The following LMLN variants were observed in gnomAD, a reference collection of about 807,000 sequenced individuals.
LMLN encodes the protein leishmanolysin-like peptidase.
LMLN carries 70 observed loss-of-function variants against 92.3 expected under a neutral mutation model. The ratio of observed to expected loss-of-function variants is 0.76; its 90% CI spans 0.63 to 0.92. LMLN has a LOEUF of 0.92. Among genes scored for constraint, LMLN ranks in the 40% least tolerant of loss-of-function variants. LMLN has a pLI of 0.00. For missense variants in LMLN, 691 were observed against 814.6 expected, an observed-to-expected ratio of 0.85 and a Z score of 1.85; for synonymous variants, 308 against 296.2, an observed-to-expected ratio of 1.04 and a Z score of -0.41.
chr3:197,973,886 G>A (rs1002345489), intron 1 of LMLN, among the ~76,000 whole-genome samples: 1 of 152,198 alleles, frequency 6.6e-6, no homozygotes, highest in African/African-American at 2.4e-5. Context: ...TTCCTAAAGT[G>A]TTGATACTGC....
At chr3:197,985,359 GCAGA>G in intron 7 of LMLN, among the ~76,000 whole-genome samples, 1 of 145,670 alleles carries the variant, frequency 6.9e-6, no homozygotes, top group Middle Eastern at 3.5e-3. Flanking sequence ...ACTTTAAAAC[GCAGA>G]CAGACTTTCA....
chr3:198,027,230 G>A (rs1028593371), intron 14 of LMLN, among the ~76,000 whole-genome samples: 18 of 151,730 alleles, frequency 1.2e-4, no homozygotes, highest in Admixed American at 3.9e-4. Context: ...CCAACTCTGC[G>A]TGACCTCCCG....
At chr3:198,002,272 TAC>T (rs1257832899) in intron 11 of LMLN, among the ~76,000 whole-genome samples, 1 of 151,986 alleles carries the variant, frequency 6.6e-6, no homozygotes, top group Non-Finnish European at 1.5e-5. Context: ...AGACTATAAG[TAC>T]ACACCACTGC....
At chr3:197,976,061 A>G (rs1190748034) in exon 4 of LMLN, 1 of 1,606,186 alleles carries the variant, frequency 6.2e-7, no homozygotes, top group Non-Finnish European at 8.5e-7. Context: ...TTTCTTATTT[A>G]GAGAAGACTT....
intron 1 of LMLN, among the ~76,000 whole-genome samples, chr3:197,966,809 A>G (rs1721073331): frequency 6.6e-6 from 1 of 152,024 alleles, no homozygotes; most frequent in African/African-American, 2.4e-5. Context: ...TTATTTTTTT[A>G]GAGACAGGGT....
intron 14 of LMLN, among the ~76,000 whole-genome samples, chr3:198,028,282 C>T (rs539724414): frequency 1.3e-5 from 2 of 152,226 alleles, no homozygotes; most frequent in African/African-American, 4.8e-5. Context: ...CATCATCATC[C>T]GAAGTCCATG....
chr3:198,005,638 CTTTTTT>C (rs745643545), intron 11 of LMLN, among the ~76,000 whole-genome samples: 1 of 140,590 alleles, frequency 7.1e-6, no homozygotes, highest in African/African-American at 2.6e-5. Flanking sequence ...TTTTCTTTTT[CTTTTTT>C]TTTTTTTTGA....
At chr3:198,032,071 C>G (rs1009570940) in intron 14 of LMLN, among the ~76,000 whole-genome samples, 1 of 147,422 alleles carries the variant, frequency 6.8e-6, no homozygotes, top group Non-Finnish European at 1.5e-5. Context: ...TATTGTACCA[C>G]AGCCTGGGCG....
chr3:197,990,732 G>A, intron 9 of LMLN, 56 bp downstream of exon 9: 1 of 837,554 alleles, frequency 1.2e-6, no homozygotes, highest in South Asian at 1.6e-5. Context: ...CCTTTACTGT[G>A]GTCCTTTCTT....
At chr3:197,982,092 C>A (rs943831671) in intron 6 of LMLN, among the ~76,000 whole-genome samples, 15 of 152,108 alleles carry the variant, frequency 9.9e-5, no homozygotes, top group African/African-American at 3.4e-4. Flanking sequence ...AGGTGTGAGC[C>A]ACTGTGCCTG....
chr3:197,961,180 A>G (rs997896439), intron 1 of LMLN, among the ~76,000 whole-genome samples: 1 of 152,180 alleles, frequency 6.6e-6, no homozygotes, highest in African/African-American at 2.4e-5. Flanking sequence ...GCTATGGGAT[A>G]ATGGCTTATT....
intron 11 of LMLN, among the ~76,000 whole-genome samples, chr3:198,008,354 T>A (rs1722348621): frequency 6.6e-6 from 1 of 152,164 alleles, no homozygotes; most frequent in Non-Finnish European, 1.5e-5. Flanking sequence ...AGAAGAAAAT[T>A]TATGAAATAC....
At position 198,025,178 on chromosome 3, in the gene LMLN, G is replaced by C. The variant is rs1481248986; in HGVS notation, c.1656+390G>C. Among the ~76,000 whole-genome samples the C allele has an allele frequency of 6.6e-6, 1 of 152,168 alleles. No homozygotes were observed. Among genetic ancestry groups the C allele is most frequent in the African/African-American group, 2.4e-5 (1 of 41,448 alleles). On this transcript the variant is annotated intron_variant, in intron 14 of 15. Coordinates refer to ENST00000330198, the Ensembl canonical transcript of LMLN. The surrounding 1 kb of genome is among the most constrained non-coding windows in gnomAD (Gnocchi z 4.3). Reference sequence around the variant, plus strand: ...AGGCTGGACGTGGTGGCTCACGCCTGTAATCCCAGCACTTTGGGAGGCTGA... The same window carrying C: ...AGGCTGGACGTGGTGGCTCACGCCTCTAATCCCAGCACTTTGGGAGGCTGA...
chr3:197,960,309 C>A, exon 1 of LMLN: 2 of 1,613,794 alleles, frequency 1.2e-6, no homozygotes, highest in African/African-American at 2.7e-5. Context: ...GAGCCGGTGG[C>A]GCTGGAGCGG....
chr3:197,976,347 G>C, intron 4 of LMLN: 1 of 476,462 alleles, frequency 2.1e-6, no homozygotes, highest in Non-Finnish European at 3.8e-6. Flanking sequence ...GTTGTCCCCT[G>C]TTCTCCAGAT....
chr3:197,990,828 A>G (rs1262356241), intron 9 of LMLN, 152 bp downstream of exon 9: 1 of 511,156 alleles, frequency 2.0e-6, no homozygotes, highest in Non-Finnish European at 3.5e-6. Flanking sequence ...GCTACGGGCC[A>G]CGAGAAATCT....
At chr3:197,994,812 C>G (rs1340077368) in intron 9 of LMLN, 1 of 152,162 alleles carries the variant, frequency 6.6e-6, no homozygotes, top group Non-Finnish European at 1.5e-5. Flanking sequence ...CTTCAAAAAA[C>G]TAAAAATAGA....
exon 14 of LMLN, chr3:198,024,719 A>C: frequency 1.2e-6 from 2 of 1,612,642 alleles, no homozygotes; most frequent in Non-Finnish European, 1.7e-6. Context: ...TAATTCAGAA[A>C]TCAGCATTCG....
Position 197,975,030 on chromosome 3 carries a change from CATT to C in LMLN, c.318-8_318-6del. The C allele has an allele frequency of 6.8e-7, 1 of 1,465,070 alleles. No individual in the cohort carries two copies. The highest frequency in any genetic ancestry group is 9.5e-7 in the Non-Finnish European group (1 of 1,050,764). The allele number at this position is 1,465,070 out of a possible 1,614,324, so 90.8% of individuals were successfully genotyped here. A position where few individuals can be genotyped will look rare whatever the true frequency, so the allele number is the denominator to read the frequency against. ...AGAGATAATCCTTATGTTTTTATGT[CATT>C]ATTTTCAGGTTGCTCCCTGAGAAAA... is the stretch of plus-strand genomic sequence containing the variant. On this transcript the variant is annotated splice_polypyrimidine_tract_variant and intron_variant, in intron 2 of 15. Coordinates refer to ENST00000330198, the Ensembl canonical transcript of LMLN.
Sources: gnomAD v4.1 joint callset for allele counts (sites outside exome capture counted in the v4.1 genomes callset) on GRCh38, gnomAD v4.1.1 for gene constraint, Gnocchi (gnomAD v3.1) non-coding constraint, MANE v1.5 for transcripts, NCBI Gene and HGNC (gene_info 2026-07-23, HGNC 2026-07-21) for gene names.